Variants in ZNF236 observed in about 807,000 individuals in gnomAD.
ZNF236 encodes the protein zinc finger protein 236.
Under a neutral mutation model 191.2 loss-of-function variants are expected in ZNF236, and 50 were observed. That is an observed-to-expected ratio of 0.26 (90% CI 0.21 to 0.33). ZNF236 has a LOEUF of 0.33. Among genes scored for constraint, ZNF236 ranks in the 10% least tolerant of loss-of-function variants. The pLI is 1.00. For missense variants in ZNF236, 1,754 were observed against 2,374.5 expected, an observed-to-expected ratio of 0.74 and a Z score of 5.43; for synonymous variants, 907 against 928.8, an observed-to-expected ratio of 0.98 and a Z score of 0.43.
chr18:76,968,703 A>G lies in ZNF236; in HGVS notation c.*364A>G. The G allele has an allele frequency of 1.0e-6, 1 of 1,003,274 alleles. No individual in the cohort carries two copies. The highest frequency in any genetic ancestry group is 1.2e-6 in the Non-Finnish European group (1 of 841,950). 62.1% of individuals were successfully genotyped at this position (1,003,274 alleles called of 1,614,324 possible). On this transcript the variant is annotated 3_prime_UTR_variant, in exon 31 of 31. Coordinates refer to ENST00000320610, the MANE Select transcript of ZNF236 (RefSeq NM_001306089.2). Reference sequence around the variant, plus strand: ...AAGACAAAAACGCTAACATTGAAAAAGTATGTCAGATTTTCCTTCATGTTT... The same window carrying G: ...AAGACAAAAACGCTAACATTGAAAAGGTATGTCAGATTTTCCTTCATGTTT...
chr18:76,863,283 A>T (rs1472021747), intron 3 of ZNF236, among the ~76,000 whole-genome samples: 1 of 152,200 alleles, frequency 6.6e-6, no homozygotes. Flanking sequence ...CTGGAAATGT[A>T]TTTGAAGAAA....
intron 1 of ZNF236, among the ~76,000 whole-genome samples, chr18:76,832,719 C>G (rs1047980168): frequency 6.6e-6 from 1 of 151,926 alleles, no homozygotes; most frequent in African/African-American, 2.4e-5. Context: ...TGGTACTTTT[C>G]AATTTCATGT....
At chr18:76,891,463 C>T (rs750227001) in intron 9 of ZNF236, among the ~76,000 whole-genome samples, 5 of 152,124 alleles carry the variant, frequency 3.3e-5, no homozygotes, top group Non-Finnish European at 5.9e-5. Context: ...GCCTCGACCT[C>T]CCAGGCTCAA....
chr18:76,955,740 G>A (rs1008813932), intron 27 of ZNF236, among the ~76,000 whole-genome samples: 3 of 152,160 alleles, frequency 2.0e-5, no homozygotes, highest in South Asian at 2.1e-4. Context: ...TGGTCAGTGC[G>A]GCGCCAGAGC....
At chr18:76,860,164 G>A (rs1976171896) in intron 3 of ZNF236, among the ~76,000 whole-genome samples, 1 of 152,174 alleles carries the variant, frequency 6.6e-6, no homozygotes, top group African/African-American at 2.4e-5. Flanking sequence ...TCTAGGCAGA[G>A]AGGTGAAACT....
chr18:76,961,358 A>G (rs1401865141), intron 30 of ZNF236, among the ~76,000 whole-genome samples: 1 of 141,392 alleles, frequency 7.1e-6, no homozygotes, highest in Non-Finnish European at 1.5e-5. Context: ...ATGGCTGAGT[A>G]GTATTCCATT....
chr18:76,913,691 A>G, intron 17 of ZNF236, 56 bp from the exon 18 acceptor site: 9 of 1,579,760 alleles, frequency 5.7e-6, no homozygotes, highest in East Asian at 2.3e-5. Flanking sequence ...CAGGTGCTGT[A>G]TTTGTAATTG....
intron 1 of ZNF236, among the ~76,000 whole-genome samples, chr18:76,839,487 A>G (rs1489309256): frequency 5.3e-5 from 8 of 152,098 alleles, no homozygotes; most frequent in Non-Finnish European, 1.5e-5. Context: ...TTGGATCTTA[A>G]CAACCCTGTG....
At chr18:76,922,867 T>G (rs1967577099) in intron 20 of ZNF236, among the ~76,000 whole-genome samples, 1 of 152,228 alleles carries the variant, frequency 6.6e-6, no homozygotes, top group Non-Finnish European at 1.5e-5. Context: ...CTAAGGAAAT[T>G]ATCTCTATTA....
chr18:76,961,908 T>G (rs1968676919), intron 30 of ZNF236, among the ~76,000 whole-genome samples: 1 of 151,488 alleles, frequency 6.6e-6, no homozygotes, highest in Admixed American at 6.5e-5. Context: ...CACTTTTTGA[T>G]GGGATTGTTT....
In ZNF236 at chr18:76,863,102, A is replaced by G. The variant is rs771023499; in HGVS notation, c.364-5583A>G. ...AGGGCTTACTGGTGGACCAGAGAGGACAGAGGAGAATCAGAGGAGAACCTG... is the reference window on the plus strand; with the variant it reads ...AGGGCTTACTGGTGGACCAGAGAGGGCAGAGGAGAATCAGAGGAGAACCTG... On this transcript the variant is annotated intron_variant, in intron 3 of 30. Transcript: ENST00000320610. Among the ~76,000 whole-genome samples, 85 of 152,330 alleles carry G rather than the reference A, an allele frequency of 5.6e-4. 1 individual carries two copies. Among genetic ancestry groups the G allele is most frequent in the South Asian group, 2.5e-3 (12 of 4,824 alleles).
intron 1 of ZNF236, among the ~76,000 whole-genome samples, chr18:76,827,144 C>T (rs973568892): frequency 1.3e-5 from 2 of 151,764 alleles, no homozygotes; most frequent in Non-Finnish European, 2.9e-5. Flanking sequence ...GATCCTCCCA[C>T]CTCGCCCTCC....
chr18:76,834,829 A>G, intron 1 of ZNF236: 1 of 468,612 alleles, frequency 2.1e-6, no homozygotes, highest in Non-Finnish European at 4.2e-6. Flanking sequence ...GGGAAGGTGC[A>G]TTGAAATGCC....
At chr18:76,843,974 C>T (rs1234928703) in intron 1 of ZNF236, among the ~76,000 whole-genome samples, 7 of 151,392 alleles carry the variant, frequency 4.6e-5, no homozygotes, top group East Asian at 3.9e-4. Context: ...AAGAAGAGGC[C>T]GGGTGCAGTG....
In ZNF236 at chr18:76,968,858, A is replaced by T; in HGVS notation, c.*519A>T. On this transcript the variant is annotated 3_prime_UTR_variant, in exon 31 of 31. Coordinates refer to ENST00000320610, the MANE Select transcript of ZNF236 (RefSeq NM_001306089.2). ...CTGTGCATTTTGAAAATTAGTCAAA[A>T]TGGACTCTTTTCAGTCTACCATAAG... 1 of 987,588 alleles carries T rather than the reference A, an allele frequency of 1.0e-6. No homozygotes were observed. The highest frequency in any genetic ancestry group is 4.7e-5 in the South Asian group (1 of 21,458). The allele number at this position is 987,588 out of a possible 1,614,324, so 61.2% of individuals were successfully genotyped here. A position where few individuals can be genotyped will look rare whatever the true frequency, so the allele number is the denominator to read the frequency against.
intron 8 of ZNF236, 83 bp from the exon 9 acceptor site, chr18:76,881,201 T>C: frequency 1.1e-5 from 13 of 1,189,524 alleles, no homozygotes; most frequent in South Asian, 1.5e-5. Flanking sequence ...ATTAGAATTC[T>C]ATAGGTAAAG....
intron 1 of ZNF236, chr18:76,840,811 T>TGTGTGTGTG (rs1975467838): frequency 1.3e-5 from 1 of 74,814 alleles, no homozygotes; most frequent in South Asian, 4.5e-4. Flanking sequence ...GTGTGTGTGT[T>TGTGTGTGTG]TTCTTTCTTT....
At chr18:76,860,886 ACTG>A (rs1976199751) in intron 3 of ZNF236, among the ~76,000 whole-genome samples, 1 of 152,188 alleles carries the variant, frequency 6.6e-6, no homozygotes, top group African/African-American at 2.4e-5. Flanking sequence ...TTGATTAATA[ACTG>A]CTAACAGGAG....
At chr18:76,962,142 A>G (rs1968681338) in intron 30 of ZNF236, among the ~76,000 whole-genome samples, 1 of 152,174 alleles carries the variant, frequency 6.6e-6, no homozygotes, top group Non-Finnish European at 1.5e-5. Context: ...GCCGAAGCCA[A>G]TGTCTAGAAG....
Sources: gnomAD v4.1 joint callset for allele counts (sites outside exome capture counted in the v4.1 genomes callset) on GRCh38, gnomAD v4.1.1 for gene constraint, MANE v1.5 for transcripts, NCBI Gene and HGNC (gene_info 2026-07-23, HGNC 2026-07-21) for gene names.